SORCS2: variants seen among roughly 807,000 people sequenced by gnomAD.
The protein encoded by SORCS2 is VPS10 domain-containing receptor SorCS2.
In SORCS2, 100 loss-of-function variants were observed where a neutral mutation model predicts 141.6. The ratio of observed to expected loss-of-function variants is 0.71; its 90% CI spans 0.60 to 0.83. The LOEUF is 0.83. Ranked by LOEUF, SORCS2 falls within the 40% of genes least tolerant of loss-of-function variation. The probability of loss-of-function intolerance (pLI) is 0.00; values close to 1 mark genes in which losing one functional copy is unlikely to be tolerated. For synonymous variants in SORCS2, 789 were observed against 676.9 expected (o/e 1.17, Z -2.57); for missense variants, 1,646 against 1,560.2 (o/e 1.05, Z -0.93).
At chr4:7,461,667 G>C (rs1172391642) in intron 2 of SORCS2, among the ~76,000 whole-genome samples, 1 of 152,184 alleles carries the variant, frequency 6.6e-6, no homozygotes, top group Non-Finnish European at 1.5e-5. Flanking sequence ...AAAACCCAGC[G>C]AGGAGCTCTC....
chr4:7,703,209 G>A, intron 12 of SORCS2, 71 bp from the exon 13 acceptor site: 3 of 1,278,398 alleles, frequency 2.3e-6, no homozygotes, highest in Non-Finnish European at 3.2e-6. Flanking sequence ...CTCCTCCCAG[G>A]AGCCGCTCAG....
chr4:7,502,626 C>A (rs879752988), intron 2 of SORCS2, among the ~76,000 whole-genome samples: 1 of 152,230 alleles, frequency 6.6e-6, no homozygotes, highest in Non-Finnish European at 1.5e-5. Flanking sequence ...ACTCCCACTT[C>A]CCGTCTGTCT....
intron 2 of SORCS2, chr4:7,430,273 A>T (rs1726743393): frequency 1.3e-5 from 2 of 151,826 alleles, no homozygotes; most frequent in African/African-American, 4.9e-5. Flanking sequence ...AAAAAAAAAA[A>T]AGAGACAGAG....
At chr4:7,531,853 T>C (rs965181792) in intron 3 of SORCS2, among the ~76,000 whole-genome samples, 1 of 152,242 alleles carries the variant, frequency 6.6e-6, no homozygotes, top group Non-Finnish European at 1.5e-5. Flanking sequence ...ACCGCCTGCA[T>C]ACCTAGGGCA....
intron 1 of SORCS2, among the ~76,000 whole-genome samples, chr4:7,240,524 C>CCGTCCT (rs1172959534): frequency 3.9e-5 from 6 of 152,112 alleles, no homozygotes; most frequent in Admixed American, 2.0e-4. Context: ...GAACGTTTCC[C>CCGTCCT]CGTCCTCGTG....
At chr4:7,476,010 T>C (rs1730269103) in intron 2 of SORCS2, among the ~76,000 whole-genome samples, 1 of 152,160 alleles carries the variant, frequency 6.6e-6, no homozygotes, top group Non-Finnish European at 1.5e-5. Context: ...GAGTGGGCAC[T>C]GTGGGCCCAA....
intron 3 of SORCS2, among the ~76,000 whole-genome samples, chr4:7,591,200 T>C (rs1031830698): frequency 3.3e-5 from 5 of 152,136 alleles, no homozygotes; most frequent in African/African-American, 1.2e-4. Flanking sequence ...ACCTTCTCCT[T>C]CTTCTCTTGT....
intron 1 of SORCS2, among the ~76,000 whole-genome samples, chr4:7,326,518 C>T (rs547779807): frequency 3.3e-5 from 5 of 152,272 alleles, no homozygotes; most frequent in East Asian, 3.9e-4. Flanking sequence ...GGAACCTTGC[C>T]GAGGTCTGTT....
intron 14 of SORCS2, among the ~76,000 whole-genome samples, chr4:7,710,846 G>A (rs534242704): frequency 1.3e-5 from 2 of 152,242 alleles, no homozygotes; most frequent in Non-Finnish European, 2.9e-5. Context: ...CTAGCAGCTA[G>A]GAGGGCTCCC....
chr4:7,273,260 T>C (rs759946080), intron 1 of SORCS2, among the ~76,000 whole-genome samples: 1 of 152,202 alleles, frequency 6.6e-6, no homozygotes, highest in Non-Finnish European at 1.5e-5. Flanking sequence ...AGAGAGGATC[T>C]GTCAATGGAA....
intron 15 of SORCS2, 48 bp downstream of exon 15, chr4:7,712,901 A>G: frequency 6.2e-7 from 1 of 1,604,980 alleles, no homozygotes; most frequent in Non-Finnish European, 8.5e-7. Flanking sequence ...ACAGACTGCA[A>G]ACACAGGCCC....
intron 1 of SORCS2, among the ~76,000 whole-genome samples, chr4:7,324,063 G>A (rs1229953441): frequency 6.6e-6 from 1 of 152,226 alleles, no homozygotes; most frequent in African/African-American, 2.4e-5. Flanking sequence ...CCCAGCCAGG[G>A]TCTTGCAGGC....
At chr4:7,368,855 C>G (rs1722072778) in intron 1 of SORCS2, among the ~76,000 whole-genome samples, 2 of 152,132 alleles carry the variant, frequency 1.3e-5, no homozygotes, top group Admixed American at 1.3e-4. Context: ...GGGGGCAGGT[C>G]TTTCCTGCAT....
chr4:7,334,635 G>C (rs750815576), intron 1 of SORCS2, among the ~76,000 whole-genome samples: 2 of 152,294 alleles, frequency 1.3e-5, no homozygotes, highest in African/African-American at 4.8e-5. Flanking sequence ...ATTCAGAGGC[G>C]GGGAGTGTGC....
At chr4:7,338,854 T>C (rs1720196538) in intron 1 of SORCS2, among the ~76,000 whole-genome samples, 2 of 152,242 alleles carry the variant, frequency 1.3e-5, no homozygotes, top group African/African-American at 4.8e-5. Flanking sequence ...CTGTTGCTCC[T>C]GGGCCTCCAA....
At chr4:7,436,632 G>A (rs943792587) in intron 2 of SORCS2, among the ~76,000 whole-genome samples, 1 of 152,226 alleles carries the variant, frequency 6.6e-6, no homozygotes. Flanking sequence ...CCACGCTGCT[G>A]TGTTTAGCTG....
At chr4:7,220,230 G>A (rs1037878428) in intron 1 of SORCS2, among the ~76,000 whole-genome samples, 11 of 151,954 alleles carry the variant, frequency 7.2e-5, no homozygotes, top group Non-Finnish European at 4.4e-5. Context: ...GTGAGGAGCT[G>A]TCCTCCTGGC....
intron 2 of SORCS2, among the ~76,000 whole-genome samples, chr4:7,446,006 C>CTT (rs5855963): frequency 3.3e-4 from 50 of 151,702 alleles, no homozygotes; most frequent in East Asian, 1.8e-3. Flanking sequence ...TTTGTCTTTT[C>CTT]TTTTTTTTCC....
chr4:7,730,979 G>A (rs1469582496), intron 23 of SORCS2, among the ~76,000 whole-genome samples: 2 of 152,222 alleles, frequency 1.3e-5, no homozygotes, highest in Non-Finnish European at 2.9e-5. Context: ...CCCGTGCAGG[G>A]GAAGGACAGT....
Sources: allele counts gnomAD v4.1 joint callset (sites outside exome capture counted in the v4.1 genomes callset), GRCh38; gene constraint gnomAD v4.1.1; transcripts MANE v1.5; gene names NCBI Gene and HGNC (gene_info 2026-07-23, HGNC 2026-07-21).